Variants in MAF observed in about 807,000 individuals in gnomAD.
The protein encoded by MAF is transcription factor Maf.
In MAF, 10 loss-of-function variants were observed where a neutral mutation model predicts 22.0. That is an observed-to-expected ratio of 0.45 (90% CI 0.28 to 0.77). The LOEUF is 0.77. Ranked by LOEUF, MAF falls within the 30% of genes least tolerant of loss-of-function variation. The probability of loss-of-function intolerance (pLI) is 0.12; values close to 1 mark genes in which losing one functional copy is unlikely to be tolerated. For missense variants in MAF, 544 were observed against 548.4 expected (o/e 0.99, Z 0.08); for synonymous variants, 337 against 255.8 (o/e 1.32, Z -3.03).
At chr16:79,249,078 G>C in the MAF span, among the ~76,000 whole-genome samples, 1 of 152,114 alleles carries the variant, frequency 6.6e-6, no homozygotes, top group African/African-American at 2.4e-5. Context: ...TTTGGGAAGT[G>C]GTAAGGTTAT....
the MAF span, among the ~76,000 whole-genome samples, chr16:79,310,673 G>T: frequency 6.6e-6 from 1 of 152,144 alleles, no homozygotes; most frequent in Non-Finnish European, 1.5e-5. Context: ...CTTTTGTTGG[G>T]GGCTCGCCTT....
chr16:79,443,286 G>C, the MAF span, among the ~76,000 whole-genome samples: 1 of 152,134 alleles, frequency 6.6e-6, no homozygotes, highest in Non-Finnish European at 1.5e-5. Flanking sequence ...TTTGGGAAGA[G>C]ACTTCAAAGT....
chr16:79,571,948 C>A, the MAF span, among the ~76,000 whole-genome samples: 1 of 152,114 alleles, frequency 6.6e-6, no homozygotes, highest in African/African-American at 2.4e-5. Context: ...CAGCCCCTGC[C>A]CCTGCCTGAC....
At chr16:79,497,681 C>A in the MAF span, among the ~76,000 whole-genome samples, 2 of 152,198 alleles carry the variant, frequency 1.3e-5, no homozygotes, top group African/African-American at 4.8e-5. Context: ...ACCCCAGCAC[C>A]TGGCACAATC....
At chr16:79,573,098 T>A in the MAF span, among the ~76,000 whole-genome samples, 1 of 152,252 alleles carries the variant, frequency 6.6e-6, no homozygotes, top group Non-Finnish European at 1.5e-5. Context: ...TCCATTCTTC[T>A]CTGGACATTT....
At chr16:79,219,263 G>A in the MAF span, among the ~76,000 whole-genome samples, 1 of 152,108 alleles carries the variant, frequency 6.6e-6, no homozygotes, top group Non-Finnish European at 1.5e-5. Context: ...TTGGAATTGT[G>A]ACAATGTCTC....
At chr16:79,416,239 G>C in the MAF span, among the ~76,000 whole-genome samples, 1 of 152,160 alleles carries the variant, frequency 6.6e-6, no homozygotes, top group Non-Finnish European at 1.5e-5. Flanking sequence ...CTCTGATTCT[G>C]TTGTGGTCTG....
the MAF span, among the ~76,000 whole-genome samples, chr16:79,366,046 T>G: frequency 6.6e-6 from 1 of 152,228 alleles, no homozygotes; most frequent in Non-Finnish European, 1.5e-5. Context: ...TCTTGGTTTC[T>G]CTATAAAACC....
the MAF span, among the ~76,000 whole-genome samples, chr16:79,394,867 A>G: frequency 6.6e-6 from 1 of 152,152 alleles, no homozygotes; most frequent in Non-Finnish European, 1.5e-5. Context: ...AACACACATT[A>G]TAAGTGTACC....
At chr16:79,291,863 C>A in the MAF span, among the ~76,000 whole-genome samples, 19 of 149,824 alleles carry the variant, frequency 1.3e-4, no homozygotes, top group African/African-American at 4.7e-4. Flanking sequence ...ATCACCTCTC[C>A]TGGTGAAGGC....
intron 1 of MAF, chr16:79,597,918 T>G: frequency 9.6e-7 from 1 of 1,039,530 alleles, no homozygotes; most frequent in Middle Eastern, 4.5e-4. Context: ...ATGAGTTTTT[T>G]TAATGGCAGA....
the MAF span, among the ~76,000 whole-genome samples, chr16:79,220,360 GA>G: frequency 3.3e-5 from 5 of 151,328 alleles, no homozygotes; most frequent in Admixed American, 3.3e-4. Flanking sequence ...CCACTCAAAA[GA>G]ACCAACTAGT....
the MAF span, among the ~76,000 whole-genome samples, chr16:79,414,541 C>G: frequency 6.6e-6 from 1 of 152,164 alleles, no homozygotes; most frequent in South Asian, 2.1e-4. Flanking sequence ...GGCCCCACCT[C>G]CAATACTAGG....
the MAF span, among the ~76,000 whole-genome samples, chr16:79,389,321 G>T: frequency 6.6e-6 from 1 of 152,112 alleles, no homozygotes; most frequent in South Asian, 2.1e-4. Context: ...GAGTGCAGTG[G>T]CACAGTCTTG....
At chr16:79,445,058 G>A in the MAF span, among the ~76,000 whole-genome samples, 1 of 152,030 alleles carries the variant, frequency 6.6e-6, no homozygotes, top group Non-Finnish European at 1.5e-5. Context: ...TTTTGAGACG[G>A]AGTCTCACTC....
At chr16:79,344,842 C>T in the MAF span, among the ~76,000 whole-genome samples, 16 of 152,188 alleles carry the variant, frequency 1.1e-4, no homozygotes, top group East Asian at 1.9e-3. Context: ...ACATAAGGAC[C>T]GATTTGAAAT....
At chr16:79,513,164 A>G in the MAF span, among the ~76,000 whole-genome samples, 8 of 152,382 alleles carry the variant, frequency 5.2e-5, 1 homozygote, top group South Asian at 4.1e-4. Context: ...GGACAGACCA[A>G]AGCCCTATAG....
At chr16:79,452,418 C>G in the MAF span, among the ~76,000 whole-genome samples, 1 of 152,150 alleles carries the variant, frequency 6.6e-6, no homozygotes, top group Non-Finnish European at 1.5e-5. Flanking sequence ...AACTGATAAA[C>G]TGTTAGTAAG....
the MAF span, among the ~76,000 whole-genome samples, chr16:79,324,934 G>C: frequency 6.6e-6 from 1 of 152,100 alleles, no homozygotes; most frequent in South Asian, 2.1e-4. Context: ...TGAGCTTCTG[G>C]TGGTTTCTGG....
Sources: gnomAD v4.1 joint callset for allele counts (sites outside exome capture counted in the v4.1 genomes callset) on GRCh38, gnomAD v4.1.1 for gene constraint, MANE v1.5 for transcripts, NCBI Gene and HGNC (gene_info 2026-07-23, HGNC 2026-07-21) for gene names.